PPP1R1C: variants seen among roughly 807,000 people sequenced by gnomAD.
PPP1R1C encodes protein phosphatase 1 regulatory inhibitor subunit 1C.
A neutral mutation model predicts 17.4 loss-of-function variants in PPP1R1C; 15 were observed. The ratio of observed to expected loss-of-function variants is 0.86; its 90% confidence interval spans 0.58 to 1.33. The LOEUF (loss-of-function observed/expected upper bound fraction) is 1.33, where lower values mean the gene tolerates loss of function less well. Ranked by LOEUF, PPP1R1C falls within the 40% of genes most tolerant of loss-of-function variation. PPP1R1C has a pLI of 0.00. For synonymous variants in PPP1R1C, 35 were observed against 43.1 expected, an observed-to-expected ratio of 0.81 and a Z score of 0.73; for missense variants, 143 against 130.0, an observed-to-expected ratio of 1.10 and a Z score of -0.48.
At chr2:181,972,908 A>G (rs952345882) in intron 1 of PPP1R1C, among the ~76,000 whole-genome samples, 3 of 152,188 alleles carry the variant, frequency 2.0e-5, no homozygotes, top group African/African-American at 7.2e-5. Flanking sequence ...CCTGCTAGAA[A>G]TTTCATGTTC....
At chr2:182,125,132 C>T (rs1382079771) in intron 5 of PPP1R1C, among the ~76,000 whole-genome samples, 2 of 151,884 alleles carry the variant, frequency 1.3e-5, no homozygotes, top group East Asian at 3.9e-4. Flanking sequence ...TATCAAAGGC[C>T]TTTTTCTGCA....
At chr2:181,995,183 T>G (rs6717118) in intron 2 of PPP1R1C, among the ~76,000 whole-genome samples, 2,926 of 152,274 alleles carry the variant, frequency 0.019, 90 homozygotes, top group African/African-American at 0.067. Context: ...CAAAATATAT[T>G]TCATTCAGTA....
At chr2:182,009,899 G>GT (rs983640442) in intron 2 of PPP1R1C, among the ~76,000 whole-genome samples, 5 of 151,812 alleles carry the variant, frequency 3.3e-5, no homozygotes, top group Admixed American at 1.3e-4. Flanking sequence ...CTTGTTATAC[G>GT]TTTTTTTCAC....
At chr2:182,091,977 T>C (rs370685874) in intron 4 of PPP1R1C, among the ~76,000 whole-genome samples, 1 of 152,154 alleles carries the variant, frequency 6.6e-6, no homozygotes, top group East Asian at 1.9e-4. Flanking sequence ...TAATTATGTG[T>C]TAAATAAAAA....
chr2:182,120,765 ACC>A (rs1689715158), downstream of PPP1R1C, among the ~76,000 whole-genome samples: 1 of 152,140 alleles, frequency 6.6e-6, no homozygotes, highest in African/African-American at 2.4e-5. Flanking sequence ...ACAAAAAGAA[ACC>A]AAAGCTTTTG....
intron 4 of PPP1R1C, 65 bp downstream of exon 4, chr2:182,063,856 C>A: frequency 8.6e-7 from 1 of 1,167,204 alleles, no homozygotes; most frequent in Admixed American, 1.7e-5. Flanking sequence ...GCCGTCTGTT[C>A]TCTAGGACCA....
rs1684928830 is a variant in PPP1R1C at position 181,967,715 on chromosome 2, ATTCT to A, written n.112-7493_112-7490del. ...TCCTTTCTTTCTCTTTCTTTCTTTC[ATTCT>A]TTCTTTCTTTTCTGAGATGGAGTTT... On this transcript the variant is annotated intron_variant and non_coding_transcript_variant, in intron 1 of 5. Transcript: ENST00000464264. This position sits in a 1 kb window ranked among gnomAD's most constrained non-coding sequence, Gnocchi z 5.5. Among the ~76,000 whole-genome samples, 3 of 89,992 alleles carry A rather than the reference ATTCT, an allele frequency of 3.3e-5. No homozygotes were observed. Among genetic ancestry groups the A allele is most frequent in the Admixed American group, 2.4e-4 (2 of 8,300 alleles). The allele number at this position is 89,992 out of a possible 152,430, so 59.0% of individuals were successfully genotyped here. A position where few individuals can be genotyped will look rare whatever the true frequency, so the allele number is the denominator to read the frequency against.
At chr2:182,071,310 T>C (rs912586183) in intron 4 of PPP1R1C, among the ~76,000 whole-genome samples, 1 of 152,122 alleles carries the variant, frequency 6.6e-6, no homozygotes, top group Admixed American at 6.5e-5. Context: ...GGAATACTGG[T>C]TAGGTATTTT....
intron 2 of PPP1R1C, among the ~76,000 whole-genome samples, chr2:182,034,255 G>A (rs919725770): frequency 6.6e-6 from 1 of 152,004 alleles, no homozygotes; most frequent in Non-Finnish European, 1.5e-5. Flanking sequence ...TTTAATTTAT[G>A]ATAATTGTGA....
intron 2 of PPP1R1C, among the ~76,000 whole-genome samples, chr2:182,042,708 G>T (rs190737217): frequency 1.3e-5 from 2 of 152,300 alleles, no homozygotes; most frequent in East Asian, 3.9e-4. Context: ...TAGCAGAATT[G>T]TAATGCCTTA....
intron 2 of PPP1R1C, among the ~76,000 whole-genome samples, chr2:182,037,111 AAAG>A (rs1426624870): frequency 6.6e-6 from 1 of 152,226 alleles, no homozygotes; most frequent in Non-Finnish European, 1.5e-5. Flanking sequence ...CTAGGAGCAA[AAAG>A]AAGAAGGGCA....
intron 2 of PPP1R1C, among the ~76,000 whole-genome samples, chr2:182,012,271 A>G (rs952522430): frequency 2.6e-5 from 4 of 151,812 alleles, no homozygotes; most frequent in African/African-American, 9.7e-5. Flanking sequence ...TTTCCTTTCT[A>G]TATCTGTGTG....
intron 4 of PPP1R1C, among the ~76,000 whole-genome samples, chr2:182,090,417 G>A (rs1688749872): frequency 6.6e-6 from 1 of 151,856 alleles, no homozygotes; most frequent in Non-Finnish European, 1.5e-5. Flanking sequence ...CTGTGGGGAG[G>A]TAATTGGTAA....
chr2:181,966,038 C>T (rs766719849), intron 1 of PPP1R1C, among the ~76,000 whole-genome samples: 2 of 151,732 alleles, frequency 1.3e-5, no homozygotes, highest in African/African-American at 4.8e-5. Flanking sequence ...AGTTTATTCC[C>T]AGGTATTTTA....
intron 1 of PPP1R1C, among the ~76,000 whole-genome samples, chr2:181,958,954 C>T (rs914601749): frequency 1.3e-5 from 2 of 152,184 alleles, no homozygotes; most frequent in African/African-American, 4.8e-5. Context: ...TTTTGAGGCA[C>T]AAATGTTTGC....
intron 1 of PPP1R1C, among the ~76,000 whole-genome samples, chr2:181,955,812 G>A (rs749656060): frequency 1.3e-4 from 19 of 151,968 alleles, no homozygotes; most frequent in Admixed American, 9.2e-4. Flanking sequence ...AGAGATAAGC[G>A]CCATTGAAAT....
intron 2 of PPP1R1C, among the ~76,000 whole-genome samples, chr2:181,994,718 G>A (rs1224580243): frequency 6.6e-6 from 1 of 152,034 alleles, no homozygotes; most frequent in African/African-American, 2.4e-5. Context: ...AATCCTCTGG[G>A]AACATGTGGT....
intron 2 of PPP1R1C, among the ~76,000 whole-genome samples, chr2:182,018,496 T>C (rs1686323649): frequency 6.6e-6 from 1 of 152,190 alleles, no homozygotes; most frequent in African/African-American, 2.4e-5. Flanking sequence ...TGGAAAATCA[T>C]GGAGGGAGAC....
chr2:182,010,306 G>A (rs1357591986), intron 2 of PPP1R1C, among the ~76,000 whole-genome samples: 1 of 151,792 alleles, frequency 6.6e-6, no homozygotes, highest in African/African-American at 2.4e-5. Context: ...TTTCATCAAA[G>A]TTTTACAGTT....
Sources: allele counts gnomAD v4.1 joint callset (sites outside exome capture counted in the v4.1 genomes callset), GRCh38; gene constraint gnomAD v4.1.1; non-coding constraint Gnocchi (gnomAD v3.1); transcripts MANE v1.5; gene names NCBI Gene and HGNC (gene_info 2026-07-23, HGNC 2026-07-21).